Variants in ACSS3 observed in about 807,000 individuals in gnomAD.
The protein encoded by ACSS3 is acyl-CoA synthetase short chain family member 3.
In ACSS3, 64 loss-of-function variants were observed where a neutral mutation model predicts 84.2. That is an observed-to-expected ratio of 0.76 (90% CI 0.62 to 0.94). The LOEUF (loss-of-function observed/expected upper bound fraction) is 0.94, where lower values mean the gene tolerates loss of function less well. ACSS3 is among the 40% of genes least tolerant of loss of function. The pLI, the probability that ACSS3 is intolerant of heterozygous loss-of-function variation, is 0.00. For missense variants in ACSS3, 815 were observed against 867.6 expected (o/e 0.94, Z 0.76); for synonymous variants, 317 against 310.1 (o/e 1.02, Z -0.23).
At chr12:81,216,871 T>C (rs1286947292) in intron 9 of ACSS3, 30 bp from the exon 10 acceptor site, 3 of 1,564,466 alleles carry the variant, frequency 1.9e-6, no homozygotes, top group South Asian at 1.1e-5. Context: ...AGTTAAAACA[T>C]GAAGTGATAA....
intron 9 of ACSS3, 87 bp from the exon 10 acceptor site, chr12:81,216,814 T>A: frequency 9.5e-7 from 1 of 1,057,762 alleles, no homozygotes; most frequent in African/African-American, 1.6e-5. Flanking sequence ...TATGACAAAC[T>A]AGGGTGGGGT....
intron 4 of ACSS3, 101 bp downstream of exon 4, chr12:81,139,366 G>A: frequency 1.6e-6 from 2 of 1,273,792 alleles, no homozygotes; most frequent in South Asian, 1.4e-5. Flanking sequence ...AAGCTATTAA[G>A]TATACTGCTG....
intron 11 of ACSS3, among the ~76,000 whole-genome samples, chr12:81,226,921 T>C (rs1350734846): frequency 6.6e-6 from 1 of 151,692 alleles, no homozygotes; most frequent in Non-Finnish European, 1.5e-5. Flanking sequence ...CATGTCCCAT[T>C]GTACTAGTCA....
At position 81,109,608 on chromosome 12, in the gene ACSS3, T is replaced by C; in HGVS notation, c.360T>C (p.His120=). 6.2e-7 allele frequency: 1 copy of C among 1,612,824 alleles called. No homozygotes were observed. The highest frequency in any genetic ancestry group is 2.2e-5 in the East Asian group (1 of 44,750). ...LNICYNAVDR[H]IENGKGDKIA... is the part of the protein sequence containing the mutation. Reference sequence around the variant, plus strand: ...TTTGTTACAATGCCGTTGATCGTCATATTGAAAATGGTAAAGGGGATAAGA... The same window carrying C: ...TTTGTTACAATGCCGTTGATCGTCACATTGAAAATGGTAAAGGGGATAAGA... Residue 120 remains histidine, a synonymous_variant, in exon 2 of 16, where the codon CAT becomes CAC. Transcript: ENST00000548058.
chr12:81,216,798 G>T (rs1593209214), intron 9 of ACSS3, 103 bp from the exon 10 acceptor site: 6 of 856,262 alleles, frequency 7.0e-6, no homozygotes, highest in African/African-American at 1.7e-5. Flanking sequence ...TAACACAGCT[G>T]CATTGTATGA....
intron 8 of ACSS3, among the ~76,000 whole-genome samples, chr12:81,183,830 T>A (rs1278326661): frequency 6.6e-6 from 1 of 151,616 alleles, no homozygotes; most frequent in Admixed American, 6.6e-5. Flanking sequence ...GACAAATAGA[T>A]AGCAATACAA....
At chr12:81,081,318 C>A (rs750627184) in intron 1 of ACSS3, among the ~76,000 whole-genome samples, 18 of 152,172 alleles carry the variant, frequency 1.2e-4, no homozygotes, top group South Asian at 4.1e-4. Flanking sequence ...ATTTCCAGTC[C>A]TGTAATTTCT....
chr12:81,131,420 T>G lies in ACSS3; in HGVS notation c.457-3396T>G, dbSNP rs1045353379. Among the ~76,000 whole-genome samples the G allele has an allele frequency of 5.3e-5, 8 of 152,298 alleles. No individual in the cohort carries two copies. In the South Asian group the frequency reaches 1.2e-3, roughly 24 times the overall value. ...AATGGGAATTCGCTCATGATTTGGCTCTCTGTTTGTCTGTTATTGATGTAT... is the reference window on the plus strand; with the variant it reads ...AATGGGAATTCGCTCATGATTTGGCGCTCTGTTTGTCTGTTATTGATGTAT... On this transcript the variant is annotated intron_variant, in intron 2 of 15. Transcript: ENST00000548058.
intron 9 of ACSS3, among the ~76,000 whole-genome samples, chr12:81,204,564 C>T (rs2032264040): frequency 6.6e-6 from 1 of 152,098 alleles, no homozygotes; most frequent in Non-Finnish European, 1.5e-5. Flanking sequence ...ACGCTTTGTT[C>T]TTTCTCTTGC....
chr12:81,090,000 C>T (rs1881570900), intron 1 of ACSS3, among the ~76,000 whole-genome samples: 1 of 151,916 alleles, frequency 6.6e-6, no homozygotes, highest in African/African-American at 2.4e-5. Context: ...TGCTCTCTAC[C>T]TTCTGTTTTA....
At chr12:81,162,623 G>C (rs1461159291) in intron 7 of ACSS3, among the ~76,000 whole-genome samples, 1 of 152,070 alleles carries the variant, frequency 6.6e-6, no homozygotes, top group African/African-American at 2.4e-5. Context: ...GCCTTGAAGG[G>C]GAGGCTTCAC....
In ACSS3 at chr12:81,216,909, T is replaced by A. The variant is rs747644994; in HGVS notation, c.1363T>A (p.Ser455Thr). 1.9e-5 allele frequency: 30 copies of A among 1,610,082 alleles called. No homozygotes were observed. Among genetic ancestry groups the A allele is most frequent in the Admixed American group, 5.0e-5 (3 of 59,922 alleles). The change falls in exon 10 of 16, where the codon TCT becomes ACT. Residue 455 changes from serine to threonine, a missense_variant. Coordinates refer to ENST00000548058, the MANE Select transcript of ACSS3 (RefSeq NM_024560.4). ...AACATTTCTTTTTCCAGAGACTGGA[T>A]CTCCAATTACTGCGTCATGTGTTGG... The part of the protein sequence containing the change: ...LDHWWQTETG[S>T]PITASCVGLG...
At chr12:81,130,092 G>T (rs541307223) in intron 2 of ACSS3, among the ~76,000 whole-genome samples, 2 of 152,174 alleles carry the variant, frequency 1.3e-5, no homozygotes, top group African/African-American at 4.8e-5. Flanking sequence ...ACATACATGT[G>T]CATGTGTCTT....
chr12:81,141,891 C>G (rs1886110767), intron 4 of ACSS3, among the ~76,000 whole-genome samples: 1 of 152,156 alleles, frequency 6.6e-6, no homozygotes, highest in African/African-American at 2.4e-5. Flanking sequence ...GCAGTTTGGC[C>G]TGAAACTTCA....
At chr12:81,144,461 A>T (rs867604651) in intron 5 of ACSS3, among the ~76,000 whole-genome samples, 2 of 152,168 alleles carry the variant, frequency 1.3e-5, no homozygotes, top group African/African-American at 4.8e-5. Flanking sequence ...CATGCCATAT[A>T]ATCTGCTCGA....
intron 13 of ACSS3, among the ~76,000 whole-genome samples, chr12:81,245,010 TA>T (rs2033936014): frequency 6.6e-6 from 1 of 152,106 alleles, no homozygotes; most frequent in East Asian, 1.9e-4. Context: ...ATGTACTGTG[TA>T]AAAAGAACTT....
intron 4 of ACSS3, among the ~76,000 whole-genome samples, chr12:81,140,466 A>G (rs1267000259): frequency 6.6e-6 from 1 of 152,162 alleles, no homozygotes; most frequent in African/African-American, 2.4e-5. Flanking sequence ...AACTCTTGAC[A>G]AGTTTTCTTT....
intron 1 of ACSS3, among the ~76,000 whole-genome samples, chr12:81,103,060 C>T (rs1882660140): frequency 6.6e-6 from 1 of 152,148 alleles, no homozygotes; most frequent in Admixed American, 6.5e-5. Flanking sequence ...ATCCTAGGAT[C>T]ATTTAAAATA....
In ACSS3 at chr12:81,179,158, G is replaced by A. The variant is rs1004835897; in HGVS notation, c.1250+4219G>A. ...AAAAATCAACTCATCATGAATAAAA[G>A]ACTTAAATATAAAACCTAAAACTAT... On this transcript the variant is annotated intron_variant, in intron 8 of 15. Coordinates refer to ENST00000548058, the MANE Select transcript of ACSS3 (RefSeq NM_024560.4). Among the ~76,000 whole-genome samples, 5 of 148,826 alleles carry A rather than the reference G, an allele frequency of 3.4e-5. No individual in the cohort carries two copies. The South Asian group carries it at 1.1e-3, about 32-fold the overall frequency.
Sources: gnomAD v4.1 joint callset for allele counts (sites outside exome capture counted in the v4.1 genomes callset) on GRCh38, gnomAD v4.1.1 for gene constraint, MANE v1.5 for transcripts, NCBI Gene and HGNC (gene_info 2026-07-23, HGNC 2026-07-21) for gene names.